KCNB2: variants seen among roughly 807,000 people sequenced by gnomAD.
The protein encoded by KCNB2 is delayed rectifier potassium channel protein.
KCNB2 carries 15 observed loss-of-function variants against 61.5 expected under a neutral mutation model. The ratio of observed to expected loss-of-function variants is 0.24; its 90% CI spans 0.16 to 0.38. The LOEUF (loss-of-function observed/expected upper bound fraction) is 0.38. KCNB2 is among the 10% of genes least tolerant of loss of function. The pLI, the probability that KCNB2 is intolerant of heterozygous loss-of-function variation, is 1.00. For synonymous variants in KCNB2, 457 were observed against 446.0 expected (o/e 1.02, Z -0.31); for missense variants, 828 against 1,125.2 (o/e 0.74, Z 3.78).
intron 1 of KCNB2, among the ~76,000 whole-genome samples, chr8:72,557,588 C>G (rs1036064246): frequency 6.6e-6 from 1 of 152,118 alleles, no homozygotes; most frequent in African/African-American, 2.4e-5. Context: ...CAACTTTTTC[C>G]TATTCCTCAT....
chr8:72,567,846 A>C lies in KCNB2; in HGVS notation c.112A>C (p.Lys38Gln), dbSNP rs1806649116. ...GAGCAAAACATGCTCCAGGAGAGTTAAGATCAATGTGGGGGGCCTCAACCA... is the reference window on the plus strand; with the variant it reads ...GAGCAAAACATGCTCCAGGAGAGTTCAGATCAATGTGGGGGGCCTCAACCA... ...IRSKTCSRRV[K>Q]INVGGLNHEV... Residue 38 changes from lysine (K) to glutamine (Q), a missense_variant, in exon 2 of 3, where the codon AAG (lysine) becomes CAG (glutamine). By Grantham distance (53) the Lys-to-Gln change is moderately conservative. Transcript: ENST00000523207. 1.2e-6 allele frequency: 2 copies of C among 1,613,940 alleles called. No homozygotes were observed. The highest frequency in any genetic ancestry group is 1.7e-6 in the Non-Finnish European group (2 of 1,180,000).
rs542278464 is a variant in KCNB2 at position 72,541,551 on chromosome 8, C to G, written c.-94+3666C>G. Among the ~76,000 whole-genome samples the G allele has an allele frequency of 7.2e-5, 11 of 152,196 alleles. No individual in the cohort carries two copies. The South Asian group carries it at 2.1e-3, about 29-fold the overall frequency. Reference sequence around the variant, plus strand: ...AGCCCAGGCAGAACAAGAAAAAATGCTTGCAGTTCCTAGATTTATTTGGAA... The same window carrying G: ...AGCCCAGGCAGAACAAGAAAAAATGGTTGCAGTTCCTAGATTTATTTGGAA... On this transcript the variant is annotated intron_variant, in intron 1 of 2. Coordinates refer to ENST00000523207, the MANE Select transcript of KCNB2 (RefSeq NM_004770.3).
intron 2 of KCNB2, among the ~76,000 whole-genome samples, chr8:72,597,502 A>G (rs1206123722): frequency 6.6e-6 from 1 of 152,220 alleles, no homozygotes; most frequent in East Asian, 1.9e-4. Flanking sequence ...CATTTTTTAA[A>G]AGTAAAAATA....
At chr8:72,716,971 G>A (rs1455831980) in intron 2 of KCNB2, among the ~76,000 whole-genome samples, 9 of 151,784 alleles carry the variant, frequency 5.9e-5, no homozygotes, top group Non-Finnish European at 1.3e-4. Context: ...AAAGTCTCAG[G>A]ATACAAAATC....
intron 1 of KCNB2, among the ~76,000 whole-genome samples, chr8:72,553,471 G>A (rs1806377248): frequency 6.6e-6 from 1 of 152,100 alleles, no homozygotes; most frequent in African/African-American, 2.4e-5. Context: ...GAATAGCTTA[G>A]AACAAATGTG....
chr8:72,656,492 A>G (rs527327656), intron 2 of KCNB2, among the ~76,000 whole-genome samples: 8 of 152,190 alleles, frequency 5.3e-5, no homozygotes, highest in African/African-American at 1.9e-4. Flanking sequence ...CAGGAAATGC[A>G]AAAGCAAAGG....
At chr8:72,561,134 C>T (rs143153890) in intron 1 of KCNB2, among the ~76,000 whole-genome samples, 4 of 151,826 alleles carry the variant, frequency 2.6e-5, no homozygotes, top group Non-Finnish European at 2.9e-5. Flanking sequence ...AAAAAAGCAT[C>T]GGTTATATCA....
chr8:72,725,601 A>ATATGTGTGTGTG (rs796779126), intron 2 of KCNB2, among the ~76,000 whole-genome samples: 2 of 100,250 alleles, frequency 2.0e-5, no homozygotes, highest in Non-Finnish European at 4.1e-5. Flanking sequence ...GTATATATAT[A>ATATGTGTGTGTG]TATATATATA....
intron 2 of KCNB2, among the ~76,000 whole-genome samples, chr8:72,935,647 C>A (rs1333757526): frequency 3.3e-5 from 5 of 152,156 alleles, no homozygotes; most frequent in Non-Finnish European, 5.9e-5. Flanking sequence ...TTACTCCCCC[C>A]AAAAACTATT....
At chr8:72,931,101 T>G (rs1403667514) in intron 2 of KCNB2, among the ~76,000 whole-genome samples, 7 of 152,244 alleles carry the variant, frequency 4.6e-5, no homozygotes, top group Admixed American at 2.6e-4. Flanking sequence ...AAAGATCAGA[T>G]AGTTGTAGAT....
intron 2 of KCNB2, among the ~76,000 whole-genome samples, chr8:72,677,912 A>G (rs1563556843): frequency 6.6e-6 from 1 of 152,170 alleles, no homozygotes; most frequent in Non-Finnish European, 1.5e-5. Flanking sequence ...ATAAAATACC[A>G]CTATACCAAG....
intron 2 of KCNB2, among the ~76,000 whole-genome samples, chr8:72,736,183 T>C (rs1389590544): frequency 6.6e-6 from 1 of 151,840 alleles, no homozygotes; most frequent in Admixed American, 6.6e-5. Context: ...ATTGAAACAT[T>C]TCACTGAAAA....
chr8:72,632,354 T>C (rs1343524956), intron 2 of KCNB2, among the ~76,000 whole-genome samples: 1 of 152,198 alleles, frequency 6.6e-6, no homozygotes, highest in Non-Finnish European at 1.5e-5. Flanking sequence ...TAAATTTGTA[T>C]TGGCACACAG....
intron 2 of KCNB2, among the ~76,000 whole-genome samples, chr8:72,846,084 T>C (rs7813791): frequency 0.85 from 129,655 of 152,012 alleles, 56,263 homozygotes; most frequent in Middle Eastern, 0.97. Context: ...TGTAGGCACC[T>C]GAGGGAATCT....
At chr8:72,571,263 C>T (rs349332) in intron 2 of KCNB2, among the ~76,000 whole-genome samples, 133,392 of 152,232 alleles carry the variant, frequency 0.88, 58,766 homozygotes, top group African/African-American at 0.96. Context: ...ACAAGGTCAA[C>T]TGACCTATTA....
chr8:72,704,531 G>A (rs1327260672), intron 2 of KCNB2, among the ~76,000 whole-genome samples: 1 of 135,216 alleles, frequency 7.4e-6, no homozygotes, highest in Non-Finnish European at 1.5e-5. Flanking sequence ...GTGTGTGTGT[G>A]TGTGTGTATT....
chr8:72,630,799 A>AT (rs1217046862), intron 2 of KCNB2, among the ~76,000 whole-genome samples: 8 of 152,072 alleles, frequency 5.3e-5, no homozygotes, highest in South Asian at 2.1e-4. Context: ...ACTAGCATGC[A>AT]TTTTTTTTGG....
chr8:72,826,985 C>T (rs1233186524), intron 2 of KCNB2, among the ~76,000 whole-genome samples: 1 of 152,210 alleles, frequency 6.6e-6, no homozygotes, highest in Non-Finnish European at 1.5e-5. Context: ...GAGAAAGGAT[C>T]AAACAGTGGT....
intron 2 of KCNB2, among the ~76,000 whole-genome samples, chr8:72,780,683 A>G (rs1282879699): frequency 1.3e-5 from 2 of 152,194 alleles, no homozygotes; most frequent in Non-Finnish European, 2.9e-5. Context: ...CAATGAACAT[A>G]TGTGTGCATG....
Sources: gnomAD v4.1 joint callset for allele counts (sites outside exome capture counted in the v4.1 genomes callset) on GRCh38, gnomAD v4.1.1 for gene constraint, MANE v1.5 for transcripts, NCBI Gene and HGNC (gene_info 2026-07-23, HGNC 2026-07-21) for gene names.